The following HEXA variants were observed in gnomAD, a reference collection of about 807,000 sequenced individuals.
HEXA encodes the protein beta-hexosaminidase subunit alpha.
HEXA carries 54 observed loss-of-function variants against 73.3 expected under a neutral mutation model. The ratio of observed to expected loss-of-function variants is 0.74; its 90% confidence interval spans 0.59 to 0.92. The LOEUF (loss-of-function observed/expected upper bound fraction) is 0.92. HEXA is among the 40% of genes least tolerant of loss of function. The pLI, the probability that HEXA is intolerant of heterozygous loss-of-function variation, is 0.00. For synonymous variants in HEXA, 230 were observed against 246.9 expected (o/e 0.93, Z 0.64); for missense variants, 649 against 653.0 (o/e 0.99, Z 0.07).
At chr15:72,350,402 G>T in intron 7 of HEXA, 116 bp downstream of exon 7, 1 of 1,125,590 alleles carries the variant, frequency 8.9e-7, no homozygotes, top group Non-Finnish European at 1.4e-6. Context: ...GAAGTCGATG[G>T]AAAACATTCT....
At chr15:72,351,430 C>T in intron 5 of HEXA, 196 bp from the exon 6 acceptor site, 1 of 642,728 alleles carries the variant, frequency 1.6e-6, no homozygotes, top group Admixed American at 2.3e-5. Context: ...AGGCCCAGCA[C>T]ACTTCTACTT....
In HEXA at chr15:72,367,973, T is replaced by C. The variant is rs142683516; in HGVS notation, c.253+7747A>G. 3.4e-3 allele frequency among the ~76,000 whole-genome samples: 245 copies of C among 72,598 alleles called. 3 individuals carry two copies. The highest frequency in any genetic ancestry group is 5.8e-3 in the African/African-American group (218 of 37,406). The allele number at this position is 72,598 out of a possible 152,430, so 47.6% of individuals were successfully genotyped here. On this transcript the variant is annotated intron_variant, in intron 1 of 13. Coordinates refer to ENST00000268097, the MANE Select transcript of HEXA (RefSeq NM_000520.6). Reference sequence around the variant, plus strand: ...AAAGTACCTTGTGCTTCAGTTATCATAGAAAAATATCACACTCTGTCTGTA... The same window carrying C: ...AAAGTACCTTGTGCTTCAGTTATCACAGAAAAATATCACACTCTGTCTGTA...
Position 72,351,237 on chromosome 15 carries a change from G to T in HEXA, c.571-3C>A. 1 of 1,575,582 alleles carries T rather than the reference G, an allele frequency of 6.3e-7. No homozygotes were observed. The highest frequency in any genetic ancestry group is 8.7e-7 in the Non-Finnish European group (1 of 1,144,856). ...AATTTATTGTACGCCATGACATCCT[G>T]TAGGTTAAAGTGCACACTGTGAACC... On this transcript the variant is annotated splice_polypyrimidine_tract_variant and splice_region_variant and intron_variant, in intron 5 of 13. Coordinates refer to ENST00000268097, the MANE Select transcript of HEXA (RefSeq NM_000520.6).
Position 72,351,021 on chromosome 15 carries a change from T to C in HEXA, c.672+112A>G. The C allele has an allele frequency of 5.3e-6, 4 of 761,006 alleles. No individual in the cohort carries two copies. In the South Asian group the frequency reaches 5.8e-5, roughly 11 times the overall value. The allele number at this position is 761,006 out of a possible 1,614,324, so 47.1% of individuals were successfully genotyped here. On this transcript the variant is annotated intron_variant, in intron 6 of 13. Transcript: ENST00000268097. ...CTCCAAATCCAGTGTCCTTCCCCTATATTGGTCTAAAACTGGCTGGTTAGG... is the reference window on the plus strand; with the variant it reads ...CTCCAAATCCAGTGTCCTTCCCCTACATTGGTCTAAAACTGGCTGGTTAGG...
rs189331330 is a variant in HEXA at position 72,350,397 on chromosome 15, C to A, written c.805+121G>T. The stretch of plus-strand genomic sequence containing the variant: ...ATCTAAATTCCCAGGTGGAAGAAGT[C>A]GATGGAAAACATTCTTCTAAGGACC... On this transcript the variant is annotated intron_variant, in intron 7 of 13. Transcript: ENST00000268097. 15 of 1,055,324 alleles carry A rather than the reference C, an allele frequency of 1.4e-5. No homozygotes were observed. The East Asian group carries it at 3.6e-4, about 25-fold the overall frequency. The allele number at this position is 1,055,324 out of a possible 1,614,324, so 65.4% of individuals were successfully genotyped here. A position where few individuals can be genotyped will look rare whatever the true frequency, so the allele number is the denominator to read the frequency against.
intron 1 of HEXA, among the ~76,000 whole-genome samples, chr15:72,367,797 C>T (rs1417567745): frequency 2.0e-5 from 3 of 152,178 alleles, no homozygotes; most frequent in Admixed American, 6.5e-5. Flanking sequence ...CTTTTCCACG[C>T]GCAGTTCTTT....
intron 1 of HEXA, chr15:72,370,738 G>C: frequency 2.7e-6 from 1 of 376,952 alleles, no homozygotes; most frequent in Non-Finnish European, 4.7e-6. Context: ...AAACAGGGCT[G>C]TGAGAAGAGA....
intron 10 of HEXA, 184 bp from the exon 11 acceptor site, chr15:72,346,894 C>G (rs1595797459): frequency 1.5e-6 from 1 of 648,866 alleles, no homozygotes; most frequent in East Asian, 2.8e-5. Context: ...AATCCAGGGC[C>G]CTAAGAGGCC....
intron 3 of HEXA, 64 bp from the exon 4 acceptor site, chr15:72,353,801 G>T: frequency 8.4e-7 from 1 of 1,197,060 alleles, no homozygotes; most frequent in Non-Finnish European, 1.3e-6. Flanking sequence ...TCTCTATTTG[G>T]AAGGTTCTCA....
chr15:72,355,104 ACT>A (rs1358695884), intron 3 of HEXA: 1 of 238,120 alleles, frequency 4.2e-6, no homozygotes, highest in African/African-American at 2.3e-5. Flanking sequence ...CAGCCCACAG[ACT>A]CTCCTACTGC....
chr15:72,357,967 G>A (rs533724664), intron 1 of HEXA: 5 of 152,268 alleles, frequency 3.3e-5, no homozygotes, highest in African/African-American at 1.2e-4. Context: ...TCTGGGCCAG[G>A]TCAATTCACA....
At position 72,341,409 on chromosome 15, in the gene HEXA, C is replaced by G. The variant is rs528407396; in HGVS notation, c.*2668G>C. On this transcript the variant is annotated 3_prime_UTR_variant, in exon 14 of 14. Transcript: ENST00000268097. ...CCTGGCATGCAGCCTCAGCTCCTACCAAGGAGAGGAGAGGTTGAAGACTCT... is the reference window on the plus strand; with the variant it reads ...CCTGGCATGCAGCCTCAGCTCCTACGAAGGAGAGGAGAGGTTGAAGACTCT... 6.6e-6 allele frequency: 1 copy of G among 150,526 alleles called. No homozygotes were observed. The highest frequency in any genetic ancestry group is 2.5e-5 in the African/African-American group (1 of 40,792). The allele number at this position is 150,526 out of a possible 1,614,324, so 9.3% of individuals were successfully genotyped here.
rs190224431 is a variant in HEXA at position 72,344,892 on chromosome 15, G to A, written c.1526+554C>T. On this transcript the variant is annotated intron_variant, in intron 13 of 13. Coordinates refer to ENST00000268097, the MANE Select transcript of HEXA (RefSeq NM_000520.6). ...GTCATGACATCCTGTAAGTCAGCCTGGTTCAAATCCTGCTTCTTAGTGACT... is the reference window on the plus strand; with the variant it reads ...GTCATGACATCCTGTAAGTCAGCCTAGTTCAAATCCTGCTTCTTAGTGACT... 1.2e-4 allele frequency among the ~76,000 whole-genome samples: 18 copies of A among 152,296 alleles called. 1 individual carries two copies. The East Asian group carries it at 3.3e-3, about 28-fold the overall frequency.
chr15:72,349,916 A>G (rs1339477394), intron 7 of HEXA, among the ~76,000 whole-genome samples: 1 of 152,086 alleles, frequency 6.6e-6, no homozygotes, highest in Admixed American at 6.5e-5. Context: ...GGCGCCTGCC[A>G]CCACGCCTGG....
In HEXA at chr15:72,355,624, T is replaced by A. The variant is rs1282031681; in HGVS notation, c.347A>T (p.Tyr116Phe). 3.1e-6 allele frequency: 5 copies of A among 1,605,954 alleles called. No homozygotes were observed. The highest frequency in any genetic ancestry group is 4.3e-6 in the Non-Finnish European group (5 of 1,172,644). Residue 116 changes from tyrosine to phenylalanine, a missense_variant and splice_region_variant, in exon 3 of 14, where the codon TAT becomes TTT. Transcript: ENST00000268097. The stretch of plus-strand genomic sequence containing the variant: ...CTGGTCATCATTTATGGTCAGGGTA[T>A]CTGAAATGACAGAAATGAACTCATT... ...QLPTLESVENYTLTINDDQCL... is the reference protein window; with the variant it reads ...QLPTLESVENFTLTINDDQCL...
At chr15:72,351,056 C>T in intron 6 of HEXA, 77 bp downstream of exon 6, 1 of 943,524 alleles carries the variant, frequency 1.1e-6, no homozygotes, top group Non-Finnish European at 1.7e-6. Flanking sequence ...GATGAGAGAC[C>T]CTGTTCTTGC....
intron 1 of HEXA, among the ~76,000 whole-genome samples, chr15:72,374,339 T>C (rs2089030778): frequency 6.6e-6 from 1 of 152,188 alleles, no homozygotes; most frequent in African/African-American, 2.4e-5. Context: ...GAAAATGTGA[T>C]CTACCACACT....
chr15:72,349,991 T>G (rs2088674374), intron 7 of HEXA, among the ~76,000 whole-genome samples: 1 of 152,212 alleles, frequency 6.6e-6, no homozygotes, highest in Admixed American at 6.5e-5. Flanking sequence ...CTTGAACTCC[T>G]GACCTCAGGT....
chr15:72,347,994 G>T, intron 9 of HEXA, 54 bp downstream of exon 9: 1 of 1,248,324 alleles, frequency 8.0e-7, no homozygotes. Flanking sequence ...TGGAAAGGGA[G>T]GACCCCACAG....
Sources: allele counts gnomAD v4.1 joint callset (sites outside exome capture counted in the v4.1 genomes callset), GRCh38; gene constraint gnomAD v4.1.1; transcripts MANE v1.5; gene names NCBI Gene and HGNC (gene_info 2026-07-23, HGNC 2026-07-21).